BICRAL: variants seen among roughly 807,000 people sequenced by gnomAD.
BICRAL encodes the protein BICRA like chromatin remodeling complex associated protein.
A neutral mutation model predicts 91.8 loss-of-function variants in BICRAL; 8 were observed. The observed-to-expected ratio is 0.09, with a 90% CI of 0.05 to 0.16. BICRAL has a LOEUF of 0.16. Ranked by LOEUF, BICRAL falls within the 10% of genes least tolerant of loss-of-function variation. BICRAL has a pLI of 1.00. For synonymous variants in BICRAL, 445 were observed against 491.1 expected, an observed-to-expected ratio of 0.91 and a Z score of 1.24; for missense variants, 1,038 against 1,310.9, an observed-to-expected ratio of 0.79 and a Z score of 3.21.
intron 1 of BICRAL, among the ~76,000 whole-genome samples, chr6:42,762,558 A>G (rs1352197260): frequency 6.6e-6 from 1 of 152,198 alleles, no homozygotes; most frequent in African/African-American, 2.4e-5. Flanking sequence ...AAGTCTAAGT[A>G]TTTAATTGTA....
intron 2 of BICRAL, among the ~76,000 whole-genome samples, chr6:42,817,013 C>CAA (rs368409842): frequency 1.9e-3 from 222 of 115,240 alleles, no homozygotes; most frequent in African/African-American, 5.1e-3. Flanking sequence ...GACTCCATCT[C>CAA]AAAAAAAAAA....
upstream of BICRAL, among the ~76,000 whole-genome samples, chr6:42,780,075 A>AT (rs1288454205): frequency 4.5e-3 from 669 of 148,808 alleles, 7 homozygotes; most frequent in African/African-American, 0.015. Flanking sequence ...CTAATTTTTA[A>AT]TTTTTTTTTT....
intron 6 of BICRAL, among the ~76,000 whole-genome samples, chr6:42,843,145 G>A (rs925407419): frequency 6.7e-6 from 1 of 150,104 alleles, no homozygotes; most frequent in African/African-American, 2.5e-5. Flanking sequence ...GTGAGCCACT[G>A]CGCCCAGGCA....
chr6:42,806,053 A>T (rs1299418371), intron 1 of BICRAL, among the ~76,000 whole-genome samples: 1 of 151,662 alleles, frequency 6.6e-6, no homozygotes, highest in Non-Finnish European at 1.5e-5. Flanking sequence ...GGGAAAGAGT[A>T]AAAAAAGATT....
intron 3 of BICRAL, 38 bp downstream of exon 3, chr6:42,822,101 T>C (rs371996567): frequency 3.6e-5 from 51 of 1,404,044 alleles, no homozygotes; most frequent in African/African-American, 1.1e-4. Flanking sequence ...AAATCAAATG[T>C]GTGAGGTTTG....
At chr6:42,757,857 G>A (rs760556699) in intron 1 of BICRAL, among the ~76,000 whole-genome samples, 5 of 152,192 alleles carry the variant, frequency 3.3e-5, no homozygotes, top group East Asian at 1.9e-4. Context: ...TAGCTAAGTC[G>A]TAGAGTTAAG....
rs1765732839 is a variant in BICRAL, at chr6:42,867,139, T to C, written c.*1693T>C. The C allele has an allele frequency of 4.2e-6, 1 of 237,352 alleles. No homozygotes were observed. Among genetic ancestry groups the C allele is most frequent in the Non-Finnish European group, 8.5e-6 (1 of 117,300 alleles). The allele number at this position is 237,352 out of a possible 1,614,324, so 14.7% of individuals were successfully genotyped here. ...ATGGGGATGACCCCCATTGTCATCA[T>C]GTTGGGCATTTCTTTTCCAGATTGG... On this transcript the variant is annotated 3_prime_UTR_variant, in exon 13 of 13. Coordinates refer to ENST00000314073, the MANE Select transcript of BICRAL (RefSeq NM_001393499.1).
intron 1 of BICRAL, among the ~76,000 whole-genome samples, chr6:42,793,581 G>A (rs1463852258): frequency 1.3e-5 from 2 of 151,252 alleles, no homozygotes; most frequent in Admixed American, 6.6e-5. Flanking sequence ...GAGCCACCGC[G>A]CCTGACCAGG....
At chr6:42,811,084 G>A (rs1416582057) in intron 2 of BICRAL, among the ~76,000 whole-genome samples, 3 of 152,138 alleles carry the variant, frequency 2.0e-5, no homozygotes, top group East Asian at 3.9e-4. Context: ...ACCGGGTCTG[G>A]ATTTAACTTC....
chr6:42,847,710 G>T (rs1271888383), intron 6 of BICRAL, among the ~76,000 whole-genome samples: 4 of 152,152 alleles, frequency 2.6e-5, no homozygotes, highest in African/African-American at 9.7e-5. Context: ...GGATCATGAA[G>T]TCAGGAGTTC....
chr6:42,851,955 A>G lies in BICRAL; in HGVS notation c.1840-137A>G, dbSNP rs148190406. 7.6e-3 allele frequency: 4,548 copies of G among 599,956 alleles called. 44 individuals are homozygous for G. Among genetic ancestry groups the G allele is most frequent in the Non-Finnish European group, 0.01 (3,442 of 337,366 alleles). The allele number at this position is 599,956 out of a possible 1,614,324, so 37.2% of individuals were successfully genotyped here. A position where few individuals can be genotyped will look rare whatever the true frequency, so the allele number is the denominator to read the frequency against. ...TCCCCTGAAGTGATAAGAAAATACAATTATTAAATTTTTGGTTTGTTTATA... is the reference window on the plus strand; with the variant it reads ...TCCCCTGAAGTGATAAGAAAATACAGTTATTAAATTTTTGGTTTGTTTATA... On this transcript the variant is annotated intron_variant, in intron 6 of 12. Coordinates refer to ENST00000314073, the MANE Select transcript of BICRAL (RefSeq NM_001393499.1).
chr6:42,791,008 A>T (rs539728459), intron 1 of BICRAL, among the ~76,000 whole-genome samples: 2 of 152,170 alleles, frequency 1.3e-5, no homozygotes, highest in South Asian at 4.1e-4. Context: ...GGCTACAAGC[A>T]GAGGGAGCTC....
rs200048858 is a variant in BICRAL, at chr6:42,865,292, C to T, written c.3086C>T (p.Thr1029Met). ...KAGRQPQSDPTVSGSVELDFP... is the reference protein window; with the variant it reads ...KAGRQPQSDPMVSGSVELDFP... The stretch of plus-strand genomic sequence containing the variant: ...GGACGGCAGCCCCAGAGTGACCCCA[C>T]GGTTAGCGGCTCTGTTGAGTTAGAT... Residue 1029 changes from threonine to methionine, a missense_variant, in exon 13 of 13, where the codon ACG becomes ATG. Physicochemically the swap from Thr to Met is moderately conservative, Grantham distance 81 (BLOSUM62 -1). Around this residue, in one of 5 missense-constraint regions of BICRAL, gnomAD observed 92 missense variants for 147.8 expected, o/e 0.62. Coordinates refer to ENST00000314073, the MANE Select transcript of BICRAL (RefSeq NM_001393499.1). 1.5e-5 allele frequency: 24 copies of T among 1,614,126 alleles called. No individual in the cohort carries two copies. The highest frequency in any genetic ancestry group is 2.2e-5 in the East Asian group (1 of 44,884).
chr6:42,815,076 A>AT (rs567715407), intron 2 of BICRAL, among the ~76,000 whole-genome samples: 3 of 144,190 alleles, frequency 2.1e-5, no homozygotes, highest in Admixed American at 7.0e-5. Flanking sequence ...CGCCTGGCTC[A>AT]TTTTTTTTGT....
chr6:42,783,395 C>A (rs901342553), intron 1 of BICRAL, among the ~76,000 whole-genome samples: 2 of 152,086 alleles, frequency 1.3e-5, no homozygotes, highest in South Asian at 4.1e-4. Context: ...GCTGTTCGCG[C>A]CCCCCCGAGT....
At chr6:42,833,201 A>G (rs1483320032) in intron 6 of BICRAL, among the ~76,000 whole-genome samples, 4 of 147,652 alleles carry the variant, frequency 2.7e-5, no homozygotes, top group East Asian at 2.1e-4. Context: ...GACTACAGGC[A>G]CCCGCCACCA....
chr6:42,828,064 T>C lies in BICRAL; in HGVS notation c.160-429T>C, dbSNP rs972642042. 2.0e-5 allele frequency among the ~76,000 whole-genome samples: 3 copies of C among 152,240 alleles called. No individual in the cohort carries two copies. The East Asian group carries it at 5.8e-4, about 29-fold the overall frequency. Reference sequence around the variant, plus strand: ...ATGGAAATAAAATATCAGAATAAGGTGAGCAGTTTAGAGAGTTATGCCTGA... The same window carrying C: ...ATGGAAATAAAATATCAGAATAAGGCGAGCAGTTTAGAGAGTTATGCCTGA... On this transcript the variant is annotated intron_variant, in intron 5 of 12. Transcript: ENST00000314073.
rs760141598 is a variant in BICRAL, at chr6:42,830,160, ATTC to A, written c.1832_1834del (p.Phe611del). The A allele has an allele frequency of 8.7e-6, 14 of 1,613,946 alleles. No homozygotes were observed. The Admixed American group carries it at 1.8e-4, about 21-fold the overall frequency. On this transcript the variant is annotated inframe_deletion, in exon 6 of 13. Transcript: ENST00000314073. ...CACCTGGAACAGGAACCCAGCAACA[ATTC>A]TTCTGCCAGGTAATGCCCTTTCCCA...
At position 42,865,050 on chromosome 6, in the gene BICRAL, T is replaced by C. The variant is rs146816473; in HGVS notation, c.2844T>C (p.Asp948=). Residue 948 remains aspartate (D), a synonymous_variant, in exon 13 of 13, where the codon GAT becomes GAC. Transcript: ENST00000314073. ...EGHRKTSSRS[D]HGTESKLSSI... Reference sequence around the variant, plus strand: ...ACCGGAAAACCTCATCCAGATCGGATCATGGTACTGAGAGCAAACTGTCAA... The same window carrying C: ...ACCGGAAAACCTCATCCAGATCGGACCATGGTACTGAGAGCAAACTGTCAA... The C allele has an allele frequency of 2.3e-3, 3,788 of 1,614,020 alleles. 4 individuals are homozygous for C. The highest frequency in any genetic ancestry group is 3.0e-3 in the Non-Finnish European group (3,530 of 1,180,026).
Sources: gnomAD v4.1 joint callset for allele counts (sites outside exome capture counted in the v4.1 genomes callset) on GRCh38, gnomAD v4.1.1 for gene constraint, gnomAD v4.1.1 regional missense constraint, MANE v1.5 for transcripts, NCBI Gene and HGNC (gene_info 2026-07-23, HGNC 2026-07-21) for gene names.